Variants in ABCA9 observed in about 807,000 individuals in gnomAD.
The protein encoded by ABCA9 is ATP binding cassette subfamily A member 9, also known as ATP-binding cassette sub-family A member 9.
ABCA9 carries 183 observed loss-of-function variants against 205.3 expected under a neutral mutation model. The observed-to-expected ratio is 0.89, with a 90% CI of 0.79 to 1.01. The LOEUF (loss-of-function observed/expected upper bound fraction) is 1.01. Ranked by LOEUF, ABCA9 falls within the 50% of genes least tolerant of loss-of-function variation. The pLI is 0.00. For synonymous variants in ABCA9, 651 were observed against 683.3 expected (o/e 0.95, Z 0.74); for missense variants, 1,805 against 1,912.4 (o/e 0.94, Z 1.05).
At chr17:69,010,215 C>T (rs1242891801) in intron 23 of ABCA9, among the ~76,000 whole-genome samples, 1 of 149,976 alleles carries the variant, frequency 6.7e-6, no homozygotes, top group East Asian at 1.9e-4. Flanking sequence ...ATGATAAGTA[C>T]CATGCATAGA....
chr17:69,043,731 A>G lies in ABCA9; in HGVS notation c.574-16T>C, dbSNP rs1208295220. 4.5e-6 allele frequency: 7 copies of G among 1,558,936 alleles called. No homozygotes were observed. Among genetic ancestry groups the G allele is most frequent in the Admixed American group, 2.0e-5 (1 of 50,922 alleles). ...TTGTTGCGATCTGAAGAAAGATATCAATGAACAAATTGTTATCATCAATCT... is the reference window on the plus strand; with the variant it reads ...TTGTTGCGATCTGAAGAAAGATATCGATGAACAAATTGTTATCATCAATCT... On this transcript the variant is annotated splice_polypyrimidine_tract_variant and intron_variant, in intron 5 of 38. Transcript: ENST00000340001.
intron 1 of ABCA9, among the ~76,000 whole-genome samples, chr17:69,058,857 C>T (rs936586937): frequency 2.6e-5 from 4 of 151,014 alleles, no homozygotes; most frequent in Admixed American, 2.0e-4. Flanking sequence ...AAAAGACATA[C>T]CTGAGACTGA....
rs577049236 is a variant in ABCA9, at chr17:68,992,552, G to A, written c.3625-286C>T. 2.3e-4 allele frequency: 54 copies of A among 236,834 alleles called. No homozygotes were observed. In the East Asian group the frequency reaches 5.1e-3, roughly 23 times the overall value. 14.7% of individuals were successfully genotyped at this position (236,834 alleles called of 1,614,324 possible). A position where few individuals can be genotyped will look rare whatever the true frequency, so the allele number is the denominator to read the frequency against. On this transcript the variant is annotated intron_variant, in intron 27 of 38. Coordinates refer to ENST00000340001, the MANE Select transcript of ABCA9 (RefSeq NM_080283.4). ...TCCAGGGCCAGGAGCGTTGGCTCAC[G>A]CCTGTAATCCCAGCACTTTGGGAGG... is the stretch of plus-strand genomic sequence containing the variant.
chr17:69,078,839 T>G, the ABCA9 span: 1 of 534,900 alleles, frequency 1.9e-6, no homozygotes, highest in South Asian at 3.8e-5. Flanking sequence ...TTAAAATTTA[T>G]GTATTTGTTA....
intron 17 of ABCA9, chr17:69,022,494 T>TTGTGTGTG (rs759682144): frequency 2.0e-5 from 3 of 147,324 alleles, no homozygotes; most frequent in African/African-American, 2.5e-5. Context: ...CTGGCTAATT[T>TTGTGTGTG]TGTGTGTGTG....
In ABCA9 at chr17:69,043,644, A is replaced by G; in HGVS notation, c.645T>C (p.Phe215=). Residue 215 remains phenylalanine (F), a synonymous_variant, in exon 6 of 39, where the codon TTT becomes TTC. Coordinates refer to ENST00000340001, the MANE Select transcript of ABCA9 (RefSeq NM_080283.4). ...CAGTTGCAACTCCTCCTTGGGCAAC[A>G]AAAGGTAATATCTTCATATGTACAC... The part of the protein sequence containing the change: ...VTGVHMKILP[F]VAQGGVATDF... 2 of 1,613,826 alleles carry G rather than the reference A, an allele frequency of 1.2e-6. No homozygotes were observed. The highest frequency in any genetic ancestry group is 1.7e-6 in the Non-Finnish European group (2 of 1,179,906).
intron 15 of ABCA9, 114 bp from the exon 16 acceptor site, chr17:69,026,581 T>C: frequency 2.0e-6 from 2 of 981,132 alleles, no homozygotes; most frequent in South Asian, 1.6e-5. Context: ...AAAATAGATA[T>C]ACTCTAATTC....
In ABCA9 at chr17:68,977,931, T is replaced by C. The variant is rs150743319; in HGVS notation, c.4721-1741A>G. 3.7e-3 allele frequency among the ~76,000 whole-genome samples: 559 copies of C among 152,318 alleles called. 3 individuals are homozygous for C. The highest frequency in any genetic ancestry group is 0.012 in the African/African-American group (495 of 41,582). On this transcript the variant is annotated intron_variant, in intron 37 of 38. Transcript: ENST00000340001. ...AATTTGAGGTGGGAGGGAATGCTTT[T>C]GAAAGCAGAAGCATGTTGATTTGGG...
At chr17:69,015,107 G>A (rs1019584231) in intron 22 of ABCA9, among the ~76,000 whole-genome samples, 2 of 152,112 alleles carry the variant, frequency 1.3e-5, no homozygotes, top group African/African-American at 4.8e-5. Flanking sequence ...TTACTCAGAA[G>A]GGGAGGGAAA....
At chr17:69,045,966 C>T (rs151332208) in intron 3 of ABCA9, among the ~76,000 whole-genome samples, 148 of 152,138 alleles carry the variant, frequency 9.7e-4, no homozygotes, top group African/African-American at 3.5e-3. Flanking sequence ...ATTTAACGCA[C>T]AATGAATTTC....
In ABCA9 at chr17:69,027,678, T is replaced by G; in HGVS notation, c.1753A>C (p.Lys585Gln). The G allele has an allele frequency of 6.2e-7, 1 of 1,613,634 alleles. No homozygotes were observed. ...TVKENLRLFA[K>Q]IKGILPHEVE... ...TCATGTGGCAAAATCCCTTTTATTT[T>G]AGCAAACAGCCTGAGGTTTTCTTTC... The change falls in exon 13 of 39, where the codon AAA becomes CAA. Residue 585 changes from lysine (K) to glutamine (Q), a missense_variant. Coordinates refer to ENST00000340001, the MANE Select transcript of ABCA9 (RefSeq NM_080283.4).
chr17:69,071,801 C>A, the ABCA9 span, among the ~76,000 whole-genome samples: 1 of 152,116 alleles, frequency 6.6e-6, no homozygotes, highest in African/African-American at 2.4e-5. Context: ...CTCCTTTGAG[C>A]TAAAGGAGCA....
At chr17:68,996,590 A>G (rs1324438663) in intron 25 of ABCA9, among the ~76,000 whole-genome samples, 1 of 152,232 alleles carries the variant, frequency 6.6e-6, no homozygotes, top group Non-Finnish European at 1.5e-5. Flanking sequence ...AGTTGCTAAC[A>G]TTTTGTGTAA....
intron 21 of ABCA9, 111 bp from the exon 22 acceptor site, chr17:69,016,501 C>T (rs1303452795): frequency 1.1e-6 from 1 of 938,884 alleles, no homozygotes; most frequent in East Asian, 2.9e-5. Flanking sequence ...AAGTCCCAAG[C>T]ACTGAATGTG....
chr17:69,043,745 T>G (rs768438213), intron 5 of ABCA9, 30 bp from the exon 6 acceptor site: 1 of 1,526,394 alleles, frequency 6.6e-7, no homozygotes, highest in Non-Finnish European at 8.9e-7. Context: ...AACAAATTGT[T>G]ATCATCAATC....
chr17:69,058,016 A>C (rs927090979), intron 1 of ABCA9, among the ~76,000 whole-genome samples: 1 of 152,242 alleles, frequency 6.6e-6, no homozygotes, highest in Non-Finnish European at 1.5e-5. Flanking sequence ...GGAGAATAAC[A>C]ACGATGGTCT....
Position 69,031,741 on chromosome 17 carries a change from A to G in ABCA9, c.1445+367T>C, listed in dbSNP as rs1189189750. 2.6e-5 allele frequency among the ~76,000 whole-genome samples: 4 copies of G among 152,200 alleles called. No individual in the cohort carries two copies. The East Asian group carries it at 7.7e-4, about 29-fold the overall frequency. ...GAAGATGAGAGGGACAAATTGAATT[A>G]ATAAAAAAGGGGGTTGAGAATAATA... is the stretch of plus-strand genomic sequence containing the variant. On this transcript the variant is annotated intron_variant, in intron 10 of 38. Coordinates refer to ENST00000340001, the MANE Select transcript of ABCA9 (RefSeq NM_080283.4).
Position 69,023,638 on chromosome 17 carries a change from C to T in ABCA9, c.2281+576G>A, listed in dbSNP as rs77982157. The stretch of plus-strand genomic sequence containing the variant: ...ACTTAAGAAGCATTCTACCTCAAAA[C>T]GCTTAGGAAGTGAAACAGTGCATTG... On this transcript the variant is annotated intron_variant, in intron 17 of 38. Coordinates refer to ENST00000340001, the MANE Select transcript of ABCA9 (RefSeq NM_080283.4). This position sits in a 1 kb window ranked among gnomAD's most constrained non-coding sequence, Gnocchi z 4.2. 5.2e-3 allele frequency among the ~76,000 whole-genome samples: 791 copies of T among 152,262 alleles called. 7 individuals carry two copies. Among genetic ancestry groups the T allele is most frequent in the African/African-American group, 0.018 (728 of 41,552 alleles).
At chr17:69,065,842 A>G (rs968857479), upstream of ABCA9, among the ~76,000 whole-genome samples, 2 of 152,118 alleles carry the variant, frequency 1.3e-5, no homozygotes, top group Non-Finnish European at 2.9e-5. Context: ...TCATGAGGGC[A>G]GTTACCCTCA....
Sources: allele counts gnomAD v4.1 joint callset (sites outside exome capture counted in the v4.1 genomes callset), GRCh38; gene constraint gnomAD v4.1.1; non-coding constraint Gnocchi (gnomAD v3.1); transcripts MANE v1.5; gene names NCBI Gene and HGNC (gene_info 2026-07-23, HGNC 2026-07-21).